The following SLC25A26 variants were observed in gnomAD, a reference collection of about 807,000 sequenced individuals.
SLC25A26 encodes solute carrier family 25 member 26, also known as mitochondrial S-adenosylmethionine carrier protein.
SLC25A26 carries 36 observed loss-of-function variants against 37.8 expected under a neutral mutation model. The ratio of observed to expected loss-of-function variants is 0.95; its 90% CI spans 0.73 to 1.26. The LOEUF (loss-of-function observed/expected upper bound fraction) is 1.26, where lower values mean the gene tolerates loss of function less well. SLC25A26 is among the 50% of genes most tolerant of loss of function. The probability of loss-of-function intolerance (pLI) is 0.00; values close to 1 mark genes in which losing one functional copy is unlikely to be tolerated. For synonymous variants in SLC25A26, 129 were observed against 122.5 expected, an observed-to-expected ratio of 1.05 and a Z score of -0.35; for missense variants, 390 against 331.1, an observed-to-expected ratio of 1.18 and a Z score of -1.38.
Position 66,239,264 on chromosome 3 carries a change from C to CT in SLC25A26, c.190+2577dup, listed in dbSNP as rs555707985. Among the ~76,000 whole-genome samples the CT allele has an allele frequency of 4.0e-3, 566 of 143,032 alleles. 2 individuals are homozygous for CT. Among genetic ancestry groups the CT allele is most frequent in the African/African-American group, 9.4e-3 (368 of 39,136 alleles). The allele number at this position is 143,032 out of a possible 152,430, so 93.8% of individuals were successfully genotyped here. On this transcript the variant is annotated intron_variant, in intron 2 of 9. Transcript: ENST00000354883. ...TGTTTTGAAACCCTTCATCCCCAAC[C>CT]TTTTTTTTTTTTTGCCACATCCACA...
chr3:66,336,584 T>C (rs537047804), intron 5 of SLC25A26, among the ~76,000 whole-genome samples: 4 of 152,346 alleles, frequency 2.6e-5, no homozygotes, highest in African/African-American at 9.6e-5. Flanking sequence ...GTCTTAAGTT[T>C]ACCTTCCTCA....
At chr3:66,245,250 TAAAA>T (rs60891030) in intron 3 of SLC25A26, among the ~76,000 whole-genome samples, 3 of 135,828 alleles carry the variant, frequency 2.2e-5, no homozygotes, top group East Asian at 2.1e-4. Context: ...CAGTTATGAT[TAAAA>T]AAAAAAAAAA....
intron 1 of SLC25A26, among the ~76,000 whole-genome samples, chr3:66,221,438 A>G (rs2071490367): frequency 6.6e-6 from 1 of 152,224 alleles, no homozygotes; most frequent in African/African-American, 2.4e-5. Flanking sequence ...TAAATAGTGT[A>G]ACTACTCTAG....
chr3:66,361,201 C>T (rs762296535), intron 6 of SLC25A26, among the ~76,000 whole-genome samples: 7 of 152,072 alleles, frequency 4.6e-5, no homozygotes, highest in Admixed American at 2.6e-4. Flanking sequence ...AAAACAAAAC[C>T]AAATAACTTC....
At chr3:66,266,576 C>CT (rs1004250488) in intron 5 of SLC25A26, among the ~76,000 whole-genome samples, 9,016 of 111,430 alleles carry the variant, frequency 0.081, 494 homozygotes, top group Middle Eastern at 0.11. Flanking sequence ...TGTTGTCACA[C>CT]TTTTTTTTTT....
At chr3:66,276,613 T>A (rs541301627) in intron 5 of SLC25A26, among the ~76,000 whole-genome samples, 77 of 132,096 alleles carry the variant, frequency 5.8e-4, no homozygotes, top group Non-Finnish European at 8.5e-4. Context: ...TAAAAATGTT[T>A]TGACTGATTG....
At chr3:66,178,098 A>G (rs928239005) in intron 1 of SLC25A26, among the ~76,000 whole-genome samples, 9 of 152,206 alleles carry the variant, frequency 5.9e-5, no homozygotes, top group African/African-American at 2.2e-4. Flanking sequence ...AATTTCAGGA[A>G]GCAGGGCAGC....
chr3:66,195,627 A>G (rs1375978327), intron 1 of SLC25A26, among the ~76,000 whole-genome samples: 1 of 152,200 alleles, frequency 6.6e-6, no homozygotes, highest in African/African-American at 2.4e-5. Context: ...CGAGGAGCGC[A>G]CGCGCTCGGC....
intron 5 of SLC25A26, among the ~76,000 whole-genome samples, chr3:66,288,226 C>T (rs989061004): frequency 2.6e-5 from 4 of 152,144 alleles, no homozygotes; most frequent in Non-Finnish European, 5.9e-5. Context: ...GAGTGAATCC[C>T]TGTCTCTGAA....
chr3:66,270,441 A>C (rs1366129637), intron 5 of SLC25A26, among the ~76,000 whole-genome samples: 2 of 152,338 alleles, frequency 1.3e-5, no homozygotes, highest in East Asian at 3.9e-4. Context: ...ACATCTGTTA[A>C]AATTCCATAA....
intron 5 of SLC25A26, among the ~76,000 whole-genome samples, chr3:66,305,292 C>T (rs1431033951): frequency 1.3e-5 from 2 of 152,062 alleles, no homozygotes; most frequent in Non-Finnish European, 2.9e-5. Flanking sequence ...TCTTTTATCT[C>T]AAATGGGTCT....
chr3:66,149,273 T>C (rs1178628199), intron 1 of SLC25A26, among the ~76,000 whole-genome samples: 1 of 151,818 alleles, frequency 6.6e-6, no homozygotes, highest in Non-Finnish European at 1.5e-5. Context: ...AGCTTAGGAG[T>C]GCCTAACTTT....
chr3:66,354,963 C>A (rs1051034029), intron 6 of SLC25A26, among the ~76,000 whole-genome samples: 1 of 152,180 alleles, frequency 6.6e-6, no homozygotes, highest in African/African-American at 2.4e-5. Flanking sequence ...AAACCTCTTT[C>A]TTTTGTACAT....
intron 1 of SLC25A26, among the ~76,000 whole-genome samples, chr3:66,186,351 C>T (rs2070827004): frequency 6.6e-6 from 1 of 151,978 alleles, no homozygotes; most frequent in African/African-American, 2.4e-5. Flanking sequence ...TTGTTCCTGA[C>T]CATTATCTTC....
At chr3:66,215,715 C>G (rs1300599680) in intron 1 of SLC25A26, among the ~76,000 whole-genome samples, 1 of 152,104 alleles carries the variant, frequency 6.6e-6, no homozygotes, top group East Asian at 1.9e-4. Flanking sequence ...TCAAACAGGC[C>G]TTTAAAATTT....
intron 5 of SLC25A26, among the ~76,000 whole-genome samples, chr3:66,274,822 C>T (rs960706674): frequency 1.3e-5 from 2 of 152,094 alleles, no homozygotes; most frequent in African/African-American, 4.8e-5. Context: ...ACTAGTTCAA[C>T]CATTGTGGAA....
chr3:66,211,901 C>A (rs2071288786), intron 1 of SLC25A26, among the ~76,000 whole-genome samples: 1 of 152,166 alleles, frequency 6.6e-6, no homozygotes, highest in Non-Finnish European at 1.5e-5. Context: ...ACATGAGCAA[C>A]CATCACTACT....
intron 6 of SLC25A26, among the ~76,000 whole-genome samples, chr3:66,361,896 G>A (rs906791092): frequency 1.3e-5 from 2 of 152,070 alleles, no homozygotes; most frequent in Non-Finnish European, 2.9e-5. Flanking sequence ...GAACCCAGGA[G>A]CTGGAGGTTG....
intron 5 of SLC25A26, among the ~76,000 whole-genome samples, chr3:66,277,824 T>C (rs1338779280): frequency 6.6e-6 from 1 of 152,088 alleles, no homozygotes; most frequent in African/African-American, 2.4e-5. Flanking sequence ...AAGGACACAA[T>C]GTCACTTCTT....
Sources: allele counts gnomAD v4.1 joint callset (sites outside exome capture counted in the v4.1 genomes callset), GRCh38; gene constraint gnomAD v4.1.1; transcripts MANE v1.5; gene names NCBI Gene and HGNC (gene_info 2026-07-23, HGNC 2026-07-21).